Variants in DLG2 observed in about 807,000 individuals in gnomAD.
The protein encoded by DLG2 is discs large MAGUK scaffold protein 2.
DLG2 carries 45 observed loss-of-function variants against 132.5 expected under a neutral mutation model. The ratio of observed to expected loss-of-function variants is 0.34; its 90% CI spans 0.27 to 0.44. The LOEUF (loss-of-function observed/expected upper bound fraction) is 0.44. Among genes scored for constraint, DLG2 ranks in the 20% least tolerant of loss-of-function variants. The probability of loss-of-function intolerance (pLI) is 1.00; values close to 1 mark genes in which losing one functional copy is unlikely to be tolerated. For synonymous variants in DLG2, 424 were observed against 419.6 expected (o/e 1.01, Z -0.13); for missense variants, 1,045 against 1,196.9 (o/e 0.87, Z 1.87).
chr11:85,583,088 ATGTGTGTGTGTGTG>A (rs3068389), intron 3 of DLG2, among the ~76,000 whole-genome samples: 18 of 29,842 alleles, frequency 6.0e-4, no homozygotes, highest in African/African-American at 1.0e-3. Flanking sequence ...AATATATGTG[ATGTGTGTGTGTGTG>A]TGTGTGTGTG....
At chr11:83,595,916 T>C (rs779798534) in intron 19 of DLG2, among the ~76,000 whole-genome samples, 1 of 152,138 alleles carries the variant, frequency 6.6e-6, no homozygotes, top group African/African-American at 2.4e-5. Flanking sequence ...TATAAGACAA[T>C]ATATCAAAAT....
intron 3 of DLG2, among the ~76,000 whole-genome samples, chr11:85,421,269 T>C (rs1030155281): frequency 6.6e-6 from 1 of 151,962 alleles, no homozygotes; most frequent in Non-Finnish European, 1.5e-5. Flanking sequence ...CCTTTGTGGG[T>C]TGCACCCACT....
chr11:84,935,016 C>T (rs2048574435), intron 6 of DLG2, among the ~76,000 whole-genome samples: 2 of 152,146 alleles, frequency 1.3e-5, no homozygotes, highest in Admixed American at 6.6e-5. Context: ...TCCTCTTCCT[C>T]CTCTCTTTTT....
intron 22 of DLG2, among the ~76,000 whole-genome samples, chr11:83,477,724 A>G (rs1298095723): frequency 6.8e-6 from 1 of 146,570 alleles, no homozygotes; most frequent in Non-Finnish European, 1.5e-5. Flanking sequence ...CAACACCTGG[A>G]TATTGGTGAA....
chr11:84,964,808 T>C (rs937587261), intron 6 of DLG2, among the ~76,000 whole-genome samples: 2 of 152,076 alleles, frequency 1.3e-5, no homozygotes, highest in Non-Finnish European at 2.9e-5. Context: ...CAGGTCTTTC[T>C]AATTTTAAAA....
intron 5 of DLG2, among the ~76,000 whole-genome samples, chr11:85,147,758 C>T (rs563380070): frequency 7.0e-6 from 1 of 142,846 alleles, no homozygotes; most frequent in Non-Finnish European, 1.5e-5. Flanking sequence ...TTTTATTTTA[C>T]TTTATGTTCC....
At chr11:84,585,370 C>T (rs962209641) in intron 6 of DLG2, among the ~76,000 whole-genome samples, 1 of 152,008 alleles carries the variant, frequency 6.6e-6, no homozygotes, top group Non-Finnish European at 1.5e-5. Flanking sequence ...TTTGTTTAGC[C>T]GATATGCTTA....
intron 7 of DLG2, among the ~76,000 whole-genome samples, chr11:84,414,378 C>A (rs1265497516): frequency 1.3e-5 from 2 of 152,142 alleles, no homozygotes; most frequent in African/African-American, 4.8e-5. Context: ...TGAATCTGAA[C>A]TTTCTATTTT....
At chr11:84,769,901 A>G (rs2069007291) in intron 6 of DLG2, among the ~76,000 whole-genome samples, 2 of 152,116 alleles carry the variant, frequency 1.3e-5, no homozygotes, top group South Asian at 4.1e-4. Context: ...GAAGTAAAGT[A>G]TTTGCCAGAC....
At chr11:84,486,784 C>G (rs2099152164) in intron 7 of DLG2, among the ~76,000 whole-genome samples, 1 of 152,164 alleles carries the variant, frequency 6.6e-6, no homozygotes, top group African/African-American at 2.4e-5. Flanking sequence ...ATTATACATG[C>G]ATTCAATAGC....
At chr11:84,694,219 C>G (rs1319327784) in intron 6 of DLG2, among the ~76,000 whole-genome samples, 1 of 151,536 alleles carries the variant, frequency 6.6e-6, no homozygotes, top group Non-Finnish European at 1.5e-5. Flanking sequence ...ATTGTGTCTT[C>G]TCATCAAGAA....
At chr11:83,728,942 ATTTTTCTTTCT>A (rs2090504336) in intron 18 of DLG2, among the ~76,000 whole-genome samples, 1 of 152,074 alleles carries the variant, frequency 6.6e-6, no homozygotes, top group African/African-American at 2.4e-5. Flanking sequence ...GTCCTGTTTT[ATTTTTCTTTCT>A]TTTTTCTTTT....
At chr11:83,466,467 A>G (rs1260538035) in intron 26 of DLG2, among the ~76,000 whole-genome samples, 1 of 152,216 alleles carries the variant, frequency 6.6e-6, no homozygotes, top group Non-Finnish European at 1.5e-5. Flanking sequence ...ACATTATTGA[A>G]GATGTTTTAA....
At chr11:84,217,743 G>T (rs1471323158) in intron 8 of DLG2, among the ~76,000 whole-genome samples, 1 of 152,184 alleles carries the variant, frequency 6.6e-6, no homozygotes, top group Non-Finnish European at 1.5e-5. Context: ...TGTTCATTGT[G>T]AGTTTTTAAG....
intron 6 of DLG2, among the ~76,000 whole-genome samples, chr11:84,643,789 A>G (rs2099671110): frequency 1.3e-5 from 2 of 152,202 alleles, no homozygotes; most frequent in South Asian, 4.1e-4. Flanking sequence ...ATGGGCATAC[A>G]AGCCTGCTTC....
chr11:84,117,856 T>C (rs953585556), intron 9 of DLG2, among the ~76,000 whole-genome samples: 2 of 152,104 alleles, frequency 1.3e-5, no homozygotes, highest in African/African-American at 4.8e-5. Flanking sequence ...GCTTTATTTA[T>C]TTATTTATTT....
At chr11:85,446,280 G>A (rs756275654) in intron 3 of DLG2, among the ~76,000 whole-genome samples, 7 of 152,270 alleles carry the variant, frequency 4.6e-5, no homozygotes, top group South Asian at 2.1e-4. Context: ...CATGTTGAAA[G>A]ATCAAATCTA....
chr11:85,102,103 TA>T (rs991827198), intron 6 of DLG2, among the ~76,000 whole-genome samples: 2 of 151,742 alleles, frequency 1.3e-5, no homozygotes, highest in African/African-American at 4.8e-5. Flanking sequence ...CATAGCTAAT[TA>T]AAAAAAAGCC....
chr11:83,699,497 C>A (rs1047537959), intron 18 of DLG2, among the ~76,000 whole-genome samples: 1 of 150,668 alleles, frequency 6.6e-6, no homozygotes, highest in Non-Finnish European at 1.5e-5. Flanking sequence ...GAGATCGAGA[C>A]CATCCTGGCT....
Sources: allele counts gnomAD v4.1 joint callset (sites outside exome capture counted in the v4.1 genomes callset), GRCh38; gene constraint gnomAD v4.1.1; transcripts MANE v1.5; gene names NCBI Gene and HGNC (gene_info 2026-07-23, HGNC 2026-07-21).